Variants in SORCS3 observed in about 807,000 individuals in gnomAD.
SORCS3 encodes VPS10 domain-containing receptor SorCS3.
In SORCS3, 57 loss-of-function variants were observed where a neutral mutation model predicts 146.3. That is an observed-to-expected ratio of 0.39 (90% CI 0.31 to 0.49). SORCS3 has a LOEUF of 0.49. Ranked by LOEUF, SORCS3 falls within the 20% of genes least tolerant of loss-of-function variation. The pLI is 0.92. For synonymous variants in SORCS3, 653 were observed against 618.5 expected, an observed-to-expected ratio of 1.06 and a Z score of -0.83; for missense variants, 1,341 against 1,575.5, an observed-to-expected ratio of 0.85 and a Z score of 2.52.
At chr10:105,181,209 A>G (rs1169460604) in intron 14 of SORCS3, among the ~76,000 whole-genome samples, 1 of 152,200 alleles carries the variant, frequency 6.6e-6, no homozygotes, top group African/African-American at 2.4e-5. Context: ...ACTTCTAAAA[A>G]TCTTACCTTT....
intron 2 of SORCS3, among the ~76,000 whole-genome samples, chr10:104,893,140 C>T (rs75573042): frequency 6.6e-6 from 1 of 152,206 alleles, no homozygotes; most frequent in African/African-American, 2.4e-5. Flanking sequence ...CATTGTCTAC[C>T]TCCCACTCTA....
intron 5 of SORCS3, among the ~76,000 whole-genome samples, chr10:105,058,896 C>T (rs1251415156): frequency 1.3e-5 from 2 of 152,002 alleles, no homozygotes; most frequent in Non-Finnish European, 2.9e-5. Flanking sequence ...TGAGGGATGC[C>T]CTAAATATCC....
chr10:105,008,264 G>A (rs2055109946), intron 4 of SORCS3, among the ~76,000 whole-genome samples: 1 of 152,084 alleles, frequency 6.6e-6, no homozygotes, highest in Admixed American at 6.6e-5. Context: ...TTTCTTCTGG[G>A]AATCCCTAGT....
intron 13 of SORCS3, 105 bp downstream of exon 13, chr10:105,167,454 C>G: frequency 1.3e-6 from 1 of 775,536 alleles, no homozygotes; most frequent in Non-Finnish European, 2.1e-6. Context: ...TGTACATTTC[C>G]TCATCCATTT....
intron 5 of SORCS3, among the ~76,000 whole-genome samples, chr10:105,076,468 A>C (rs1163472429): frequency 1.3e-5 from 2 of 151,814 alleles, no homozygotes; most frequent in East Asian, 3.9e-4. Flanking sequence ...TTTCTCTCTC[A>C]ACTTGCATAC....
At chr10:104,906,941 G>A (rs1218111459) in intron 2 of SORCS3, among the ~76,000 whole-genome samples, 6 of 152,052 alleles carry the variant, frequency 3.9e-5, no homozygotes, top group African/African-American at 1.4e-4. Context: ...TCTATTAGTA[G>A]TTTTATATAT....
chr10:104,847,585 G>A (rs2018219782), intron 2 of SORCS3, among the ~76,000 whole-genome samples: 1 of 152,206 alleles, frequency 6.6e-6, no homozygotes. Context: ...GGTGCAAGGT[G>A]TCCACAGGTG....
Position 105,016,292 on chromosome 10 carries a change from A to G in SORCS3, c.955-26763A>G, listed in dbSNP as rs867109211. Among the ~76,000 whole-genome samples the G allele has an allele frequency of 1.8e-4, 27 of 150,786 alleles. No homozygotes were observed. In the Middle Eastern group the frequency reaches 0.024, roughly 135 times the overall value. On this transcript the variant is annotated intron_variant, in intron 4 of 26. Transcript: ENST00000369701. ...TCACCCTCCTGAGTAGCTGGACTAC[A>G]GGCACACACCACCACGCCCAGCTAA...
At position 105,201,171 on chromosome 10, in the gene SORCS3, G is replaced by A; in HGVS notation, c.2179G>A (p.Gly727Arg). 1 of 1,613,050 alleles carries A rather than the reference G, an allele frequency of 6.2e-7. No homozygotes were observed. The highest frequency in any genetic ancestry group is 8.5e-7 in the Non-Finnish European group (1 of 1,179,462). ...GAAAATATTCAAGAAACGTAAGCCA[G>A]GAGCTCAGTGTGCCCTGGGCCGAGA... ...ERKIFKKRKP[G>R]AQCALGRDHS... The change falls in exon 16 of 27, where the codon GGA becomes AGA. Residue 727 changes from glycine to arginine, a missense_variant. Gly to Arg is a moderately radical substitution (Grantham distance 125). Transcript: ENST00000369701.
At chr10:104,846,799 A>G (rs935557797) in intron 2 of SORCS3, among the ~76,000 whole-genome samples, 3 of 152,174 alleles carry the variant, frequency 2.0e-5, no homozygotes, top group African/African-American at 7.2e-5. Context: ...CACTTTACCT[A>G]TAAGATATCA....
chr10:104,722,982 G>T (rs1402111697), intron 1 of SORCS3, among the ~76,000 whole-genome samples: 2 of 152,024 alleles, frequency 1.3e-5, no homozygotes, highest in Admixed American at 1.3e-4. Context: ...ATTTCCTTCA[G>T]TTCTGCTCTG....
At chr10:105,041,434 C>CAT (rs1226489111) in intron 4 of SORCS3, among the ~76,000 whole-genome samples, 15 of 146,554 alleles carry the variant, frequency 1.0e-4, no homozygotes, top group African/African-American at 5.0e-5. Context: ...TATACACACA[C>CAT]ATATATATAA....
intron 4 of SORCS3, among the ~76,000 whole-genome samples, chr10:105,027,416 T>G (rs990401658): frequency 6.6e-6 from 1 of 152,204 alleles, no homozygotes; most frequent in African/African-American, 2.4e-5. Flanking sequence ...ACTGACATGC[T>G]CTATCCACTT....
chr10:104,751,940 T>C (rs1213610551), intron 1 of SORCS3, among the ~76,000 whole-genome samples: 1 of 105,180 alleles, frequency 9.5e-6, no homozygotes, highest in South Asian at 3.3e-4. Context: ...TATATATATA[T>C]ATATATATAT....
chr10:105,100,060 G>A (rs2055772693), intron 6 of SORCS3, among the ~76,000 whole-genome samples: 1 of 152,174 alleles, frequency 6.6e-6, no homozygotes, highest in African/African-American at 2.4e-5. Context: ...ATGGTGAGAA[G>A]ACATGGATGC....
At chr10:105,242,888 A>AATATATGATATATAAATTATATATATAAT (rs2056843481) in intron 20 of SORCS3, among the ~76,000 whole-genome samples, 1 of 105,486 alleles carries the variant, frequency 9.5e-6, no homozygotes, top group Admixed American at 1.4e-4. Context: ...AATTATATAT[A>AATATATGATATATAAATTATATATATAAT]ATATATGATA....
intron 5 of SORCS3, among the ~76,000 whole-genome samples, chr10:105,045,758 T>C (rs1277833297): frequency 6.6e-6 from 1 of 152,176 alleles, no homozygotes; most frequent in East Asian, 1.9e-4. Flanking sequence ...TGTTGTCAAT[T>C]TCATAAGGTT....
intron 1 of SORCS3, among the ~76,000 whole-genome samples, chr10:104,704,961 C>G (rs2016319159): frequency 6.6e-6 from 1 of 152,138 alleles, no homozygotes; most frequent in Admixed American, 6.5e-5. Flanking sequence ...TTCTCTCCTC[C>G]TCCACCACAA....
intron 1 of SORCS3, among the ~76,000 whole-genome samples, chr10:104,774,030 T>G (rs2017281495): frequency 6.6e-6 from 1 of 152,224 alleles, no homozygotes; most frequent in South Asian, 2.1e-4. Flanking sequence ...GGATTGTTTT[T>G]GAGTATTGTT....
Sources: gnomAD v4.1 joint callset for allele counts (sites outside exome capture counted in the v4.1 genomes callset) on GRCh38, gnomAD v4.1.1 for gene constraint, MANE v1.5 for transcripts, NCBI Gene and HGNC (gene_info 2026-07-23, HGNC 2026-07-21) for gene names.